ZRANB3: variants seen among roughly 807,000 people sequenced by gnomAD.
The protein encoded by ZRANB3 is zinc finger RANBP2-type containing 3, also known as DNA annealing helicase and endonuclease ZRANB3.
In ZRANB3, 125 loss-of-function variants were observed where a neutral mutation model predicts 133.8. The observed-to-expected ratio is 0.93, with a 90% CI of 0.81 to 1.08. The LOEUF (loss-of-function observed/expected upper bound fraction) is 1.08. ZRANB3 is among the 50% of genes least tolerant of loss of function. The probability of loss-of-function intolerance (pLI) is 0.00; values close to 1 mark genes in which losing one functional copy is unlikely to be tolerated. For synonymous variants in ZRANB3, 387 were observed against 432.7 expected (o/e 0.89, Z 1.31); for missense variants, 1,229 against 1,275.5 (o/e 0.96, Z 0.56).
intron 8 of ZRANB3, among the ~76,000 whole-genome samples, chr2:135,305,249 T>C (rs1682626042): frequency 6.6e-6 from 1 of 152,236 alleles, no homozygotes; most frequent in African/African-American, 2.4e-5. Context: ...CGTGAGCCAC[T>C]GTGCCTGGCC....
chr2:135,444,763 T>G (rs935734859), intron 2 of ZRANB3, among the ~76,000 whole-genome samples: 1 of 152,204 alleles, frequency 6.6e-6, no homozygotes, highest in Non-Finnish European at 1.5e-5. Flanking sequence ...GTGTATAGTT[T>G]ATAACACAAA....
chr2:135,525,376 C>G (rs1260762455), intron 1 of ZRANB3, among the ~76,000 whole-genome samples: 2 of 152,144 alleles, frequency 1.3e-5, no homozygotes, highest in Non-Finnish European at 2.9e-5. Context: ...ATGGGAACAT[C>G]CTTTCTGAAG....
chr2:135,405,795 A>G (rs1036634748), intron 2 of ZRANB3, among the ~76,000 whole-genome samples: 1 of 152,248 alleles, frequency 6.6e-6, no homozygotes, highest in Non-Finnish European at 1.5e-5. Flanking sequence ...ACAACACACC[A>G]GAATCTCTGG....
At chr2:135,529,568 T>C (rs1200748833) in intron 1 of ZRANB3, among the ~76,000 whole-genome samples, 1 of 152,102 alleles carries the variant, frequency 6.6e-6, no homozygotes, top group South Asian at 2.1e-4. Context: ...AGTGGCGCGA[T>C]CTCGGGTCAC....
At chr2:135,268,189 T>C (rs994150795) in intron 11 of ZRANB3, among the ~76,000 whole-genome samples, 1 of 151,898 alleles carries the variant, frequency 6.6e-6, no homozygotes, top group African/African-American at 2.4e-5. Context: ...AGAGTCTTGC[T>C]CTGTCACCCA....
chr2:135,272,034 T>A lies in ZRANB3; in HGVS notation c.1087-147A>T. 6.7e-6 allele frequency: 6 copies of A among 896,220 alleles called. No individual in the cohort carries two copies. In the South Asian group the frequency reaches 1.8e-4, roughly 26 times the overall value. The allele number at this position is 896,220 out of a possible 1,614,324, so 55.5% of individuals were successfully genotyped here. A position where few individuals can be genotyped will look rare whatever the true frequency, so the allele number is the denominator to read the frequency against. ...ATTGGTAAATGTTATACAAGAAGAA[T>A]CTTAACCAAGATTTTTAATAGCTTC... On this transcript the variant is annotated intron_variant, in intron 9 of 20. Transcript: ENST00000264159.
chr2:135,351,482 C>A (rs1685205166), intron 4 of ZRANB3, among the ~76,000 whole-genome samples: 1 of 152,054 alleles, frequency 6.6e-6, no homozygotes, highest in South Asian at 2.1e-4. Flanking sequence ...ACCTTGTGAT[C>A]CGCCCGCCCT....
intron 2 of ZRANB3, among the ~76,000 whole-genome samples, chr2:135,442,655 A>G (rs1689831277): frequency 1.3e-5 from 2 of 152,218 alleles, no homozygotes; most frequent in African/African-American, 4.8e-5. Context: ...TCAAGGATCT[A>G]GAACTAGAAA....
intron 2 of ZRANB3, among the ~76,000 whole-genome samples, chr2:135,499,157 G>C (rs906151641): frequency 1.2e-4 from 18 of 152,040 alleles, no homozygotes; most frequent in Non-Finnish European, 1.9e-4. Context: ...TGGACATCCA[G>C]CTTTAAAATT....
intron 8 of ZRANB3, among the ~76,000 whole-genome samples, chr2:135,282,097 T>C (rs1051275150): frequency 2.3e-4 from 35 of 152,220 alleles, no homozygotes; most frequent in African/African-American, 8.0e-4. Context: ...TATTTACCCA[T>C]CAGTTGATAT....
intron 2 of ZRANB3, among the ~76,000 whole-genome samples, chr2:135,415,165 G>T (rs1688502165): frequency 6.9e-6 from 1 of 145,768 alleles, no homozygotes; most frequent in Non-Finnish European, 1.5e-5. Flanking sequence ...AATGAATCCA[G>T]GAGCTGGTTT....
intron 12 of ZRANB3, among the ~76,000 whole-genome samples, chr2:135,246,370 T>G (rs935025301): frequency 1.4e-4 from 22 of 152,342 alleles, no homozygotes; most frequent in Admixed American, 1.2e-3. Context: ...TTTTCTGTTG[T>G]CTTTTTTTGT....
intron 12 of ZRANB3, among the ~76,000 whole-genome samples, chr2:135,246,849 G>C (rs1323329501): frequency 1.3e-5 from 2 of 152,174 alleles, no homozygotes; most frequent in African/African-American, 4.8e-5. Context: ...GAAAAGTTCA[G>C]AGTCCTAATC....
rs928458703 is a variant in ZRANB3, at chr2:135,347,355, C to T, written c.592-1720G>A. Among the ~76,000 whole-genome samples, 7 of 146,688 alleles carry T rather than the reference C, an allele frequency of 4.8e-5. No homozygotes were observed. The East Asian group carries it at 1.0e-3, about 21-fold the overall frequency. ...TCGCCCAGGCTGGAGTGCAGTGGTGCGATCTCGGCTCACTGCAAGCTCCGC... is the reference window on the plus strand; with the variant it reads ...TCGCCCAGGCTGGAGTGCAGTGGTGTGATCTCGGCTCACTGCAAGCTCCGC... On this transcript the variant is annotated intron_variant, in intron 5 of 20. Coordinates refer to ENST00000264159, the MANE Select transcript of ZRANB3 (RefSeq NM_032143.4).
chr2:135,395,675 C>T (rs1368678509), intron 2 of ZRANB3, among the ~76,000 whole-genome samples: 1 of 152,008 alleles, frequency 6.6e-6, no homozygotes, highest in Non-Finnish European at 1.5e-5. Flanking sequence ...CCAGGCTGGT[C>T]TCAAACACCT....
intron 15 of ZRANB3, 29 bp downstream of exon 15, chr2:135,224,397 T>A: frequency 6.5e-7 from 1 of 1,535,942 alleles, no homozygotes; most frequent in South Asian, 1.3e-5. Flanking sequence ...TTTTTATGTT[T>A]CAAGTTACAG....
chr2:135,505,539 G>A (rs376570342), intron 1 of ZRANB3, among the ~76,000 whole-genome samples: 5 of 151,430 alleles, frequency 3.3e-5, no homozygotes, highest in African/African-American at 1.2e-4. Context: ...ATGCCACTGC[G>A]CTCCAGCCTG....
At chr2:135,222,798 A>G (rs1192726671) in intron 15 of ZRANB3, among the ~76,000 whole-genome samples, 2 of 152,094 alleles carry the variant, frequency 1.3e-5, no homozygotes, top group Admixed American at 1.3e-4. Flanking sequence ...TTCTCTTAAA[A>G]TATGCATTTA....
intron 2 of ZRANB3, among the ~76,000 whole-genome samples, chr2:135,404,606 C>T (rs577977618): frequency 6.6e-6 from 1 of 152,254 alleles, no homozygotes; most frequent in East Asian, 1.9e-4. Flanking sequence ...GAGAATGCTA[C>T]AAAGATACTC....
Sources: allele counts gnomAD v4.1 joint callset (sites outside exome capture counted in the v4.1 genomes callset), GRCh38; gene constraint gnomAD v4.1.1; transcripts MANE v1.5; gene names NCBI Gene and HGNC (gene_info 2026-07-23, HGNC 2026-07-21).